The following PDK1 variants were observed in gnomAD, a reference collection of about 807,000 sequenced individuals.
PDK1 encodes pyruvate dehydrogenase kinase 1, also known as [Pyruvate dehydrogenase (acetyl-transferring)] kinase isozyme 1, mitochondrial.
PDK1 carries 39 observed loss-of-function variants against 54.2 expected under a neutral mutation model. The observed-to-expected ratio is 0.72, with a 90% confidence interval of 0.56 to 0.94. The LOEUF (loss-of-function observed/expected upper bound fraction) is 0.94, where lower values mean the gene tolerates loss of function less well. Ranked by LOEUF, PDK1 falls within the 40% of genes least tolerant of loss-of-function variation. The pLI, the probability that PDK1 is intolerant of heterozygous loss-of-function variation, is 0.00. For synonymous variants in PDK1, 221 were observed against 207.1 expected, an observed-to-expected ratio of 1.07 and a Z score of -0.58; for missense variants, 552 against 566.0, an observed-to-expected ratio of 0.98 and a Z score of 0.25.
At chr2:172,688,732 G>C in the PDK1 span, among the ~76,000 whole-genome samples, 1 of 152,156 alleles carries the variant, frequency 6.6e-6, no homozygotes, top group South Asian at 2.1e-4. Flanking sequence ...ACTCCCCCTA[G>C]CACCTGTACC....
the PDK1 span, among the ~76,000 whole-genome samples, chr2:172,635,253 T>C: frequency 6.6e-6 from 1 of 152,226 alleles, no homozygotes; most frequent in Non-Finnish European, 1.5e-5. Flanking sequence ...ATTCTTACCA[T>C]GCTTTCTTAG....
intron 8 of PDK1, among the ~76,000 whole-genome samples, chr2:172,571,475 T>G (rs1357013868): frequency 1.3e-5 from 2 of 152,188 alleles, no homozygotes; most frequent in African/African-American, 4.8e-5. Context: ...GCAATCCTCC[T>G]CCCATGGCTT....
At chr2:172,561,907 A>G (rs1574465168) in intron 2 of PDK1, among the ~76,000 whole-genome samples, 1 of 152,336 alleles carries the variant, frequency 6.6e-6, no homozygotes, top group South Asian at 2.1e-4. Flanking sequence ...CAGCATAATC[A>G]GTATATATAC....
the PDK1 span, among the ~76,000 whole-genome samples, chr2:172,625,000 A>C: frequency 1.3e-5 from 2 of 151,716 alleles, no homozygotes; most frequent in East Asian, 1.9e-4. Context: ...AAAAAAAAAA[A>C]CATGCCAGGG....
At position 172,572,902 on chromosome 2, in the gene PDK1, A is replaced by G. The variant is rs1055718004; in HGVS notation, c.945+2078A>G. On this transcript the variant is annotated intron_variant, in intron 8 of 10. Transcript: ENST00000282077. ...TTGTTACTGACTTCTTTCACTTAGT[A>G]TAATGTTATAGTATGCATTTGTACT... Among the ~76,000 whole-genome samples, 5 of 152,336 alleles carry G rather than the reference A, an allele frequency of 3.3e-5. No homozygotes were observed. In the East Asian group the frequency reaches 7.7e-4, roughly 24 times the overall value.
the PDK1 span, among the ~76,000 whole-genome samples, chr2:172,711,865 CAAAAAAAAAA>C: frequency 3.5e-4 from 8 of 22,780 alleles, 1 homozygote; most frequent in South Asian, 5.9e-3. Context: ...GAACCTAGCT[CAAAAAAAAAA>C]AAAAAAAAAA....
the PDK1 span, among the ~76,000 whole-genome samples, chr2:172,647,748 A>G: frequency 6.6e-6 from 1 of 152,256 alleles, no homozygotes; most frequent in Admixed American, 6.5e-5. Context: ...GGATGCTAAA[A>G]TTAGTAGGTA....
At chr2:172,566,628 G>A (rs186990299) in intron 5 of PDK1, among the ~76,000 whole-genome samples, 3 of 151,540 alleles carry the variant, frequency 2.0e-5, no homozygotes, top group Non-Finnish European at 4.4e-5. Flanking sequence ...CACCAAGGCA[G>A]GAGGATGGCT....
chr2:172,672,074 C>T, the PDK1 span, among the ~76,000 whole-genome samples: 2 of 152,148 alleles, frequency 1.3e-5, no homozygotes, highest in Non-Finnish European at 2.9e-5. Flanking sequence ...GGAGAGCGTA[C>T]TTGACTTTGA....
the PDK1 span, among the ~76,000 whole-genome samples, chr2:172,716,558 C>T: frequency 6.6e-6 from 1 of 152,084 alleles, no homozygotes; most frequent in Non-Finnish European, 1.5e-5. Context: ...CTCCTGACCT[C>T]AGGGGATCCG....
Position 172,592,790 on chromosome 2 carries a change from C to T in PDK1, c.1057-145C>T. The T allele has an allele frequency of 9.4e-6, 4 of 423,428 alleles. No homozygotes were observed. In the South Asian group the frequency reaches 1.1e-4, roughly 11 times the overall value. The allele number at this position is 423,428 out of a possible 1,614,324, so 26.2% of individuals were successfully genotyped here. A position where few individuals can be genotyped will look rare whatever the true frequency, so the allele number is the denominator to read the frequency against. On this transcript the variant is annotated intron_variant, in intron 9 of 10. Transcript: ENST00000282077. ...AACCTCAGCTTAATCATTGTCAATG[C>T]TTAAATATTAATTATATTAAATATA...
chr2:172,596,050 C>T lies in PDK1; in HGVS notation c.*81C>T. The T allele has an allele frequency of 8.7e-7, 1 of 1,154,168 alleles. No homozygotes were observed. The highest frequency in any genetic ancestry group is 1.2e-6 in the Non-Finnish European group (1 of 824,798). The allele number at this position is 1,154,168 out of a possible 1,614,324, so 71.5% of individuals were successfully genotyped here. On this transcript the variant is annotated 3_prime_UTR_variant, in exon 11 of 11. Coordinates refer to ENST00000282077, the MANE Select transcript of PDK1 (RefSeq NM_002610.5). Reference sequence around the variant, plus strand: ...TATGGTGTTCAGAACTATATTATACCAAGTACTTTATTTATCGTTTTCACA... The same window carrying T: ...TATGGTGTTCAGAACTATATTATACTAAGTACTTTATTTATCGTTTTCACA...
the PDK1 span, among the ~76,000 whole-genome samples, chr2:172,696,711 T>TAAA: frequency 6.6e-6 from 1 of 152,212 alleles, no homozygotes; most frequent in Non-Finnish European, 1.5e-5. Flanking sequence ...AAGAGTAAAT[T>TAAA]TAATTTTATT....
the PDK1 span, among the ~76,000 whole-genome samples, chr2:172,680,499 G>T: frequency 6.6e-6 from 1 of 152,016 alleles, no homozygotes; most frequent in Non-Finnish European, 1.5e-5. Flanking sequence ...GTACAGGCAT[G>T]CACCACCATG....
chr2:172,645,178 C>T, the PDK1 span, among the ~76,000 whole-genome samples: 3 of 148,970 alleles, frequency 2.0e-5, no homozygotes, highest in East Asian at 5.9e-4. Context: ...CCCTTTCCCC[C>T]AGAAATCCAT....
chr2:172,568,643 G>A (rs1319642926), intron 6 of PDK1, 98 bp from the exon 7 acceptor site: 25 of 765,030 alleles, frequency 3.3e-5, no homozygotes, highest in East Asian at 5.0e-5. Context: ...ACTGTCCTCC[G>A]TAGTTAATGT....
chr2:172,632,980 C>A, the PDK1 span, among the ~76,000 whole-genome samples: 589 of 75,220 alleles, frequency 7.8e-3, 2 homozygotes, highest in Middle Eastern at 8.6e-3. Flanking sequence ...GATTCTGTCT[C>A]AAAAAAAAAA....
the PDK1 span, among the ~76,000 whole-genome samples, chr2:172,658,912 A>T: frequency 1.1e-4 from 16 of 152,290 alleles, no homozygotes; most frequent in East Asian, 3.1e-3. Context: ...ATAGACCCTT[A>T]TCAGGAGTTT....
chr2:172,579,533 T>C (rs1268584798), intron 8 of PDK1, among the ~76,000 whole-genome samples: 1,806 of 150,430 alleles, frequency 0.012, 46 homozygotes, highest in Admixed American at 0.02. Context: ...TTCTTTTTTT[T>C]TTTTTTTTTG....
Sources: allele counts gnomAD v4.1 joint callset (sites outside exome capture counted in the v4.1 genomes callset), GRCh38; gene constraint gnomAD v4.1.1; transcripts MANE v1.5; gene names NCBI Gene and HGNC (gene_info 2026-07-23, HGNC 2026-07-21).